Variants in RPTOR observed in about 807,000 individuals in gnomAD.
RPTOR encodes the protein regulatory associated protein of MTOR complex 1.
A neutral mutation model predicts 169.9 loss-of-function variants in RPTOR; 21 were observed. The ratio of observed to expected loss-of-function variants is 0.12; its 90% confidence interval spans 0.09 to 0.18. The LOEUF is 0.18. RPTOR is among the 10% of genes least tolerant of loss of function. The pLI, the probability that RPTOR is intolerant of heterozygous loss-of-function variation, is 1.00. For synonymous variants in RPTOR, 732 were observed against 753.2 expected, an observed-to-expected ratio of 0.97 and a Z score of 0.46; for missense variants, 1,133 against 1,855.9, an observed-to-expected ratio of 0.61 and a Z score of 7.16.
intron 9 of RPTOR, among the ~76,000 whole-genome samples, chr17:80,833,187 C>T (rs1208620695): frequency 6.6e-6 from 1 of 152,246 alleles, no homozygotes; most frequent in Non-Finnish European, 1.5e-5. Flanking sequence ...CAGCCCACCT[C>T]CTGGGCACCC....
At position 80,869,436 on chromosome 17, in the gene RPTOR, G is replaced by A. The variant is rs8073333; in HGVS notation, c.1510-10979G>A. ...CCTCTAAAGTGCTGGGATTACAGGC[G>A]TGAGCCACTACACCTGGCCCCCCTT... On this transcript the variant is annotated intron_variant, in intron 13 of 33. Transcript: ENST00000306801. Among the ~76,000 whole-genome samples the A allele has an allele frequency of 5.8e-3, 883 of 152,178 alleles. 12 individuals are homozygous for A. Among genetic ancestry groups the A allele is most frequent in the African/African-American group, 0.02 (820 of 41,484 alleles).
intron 6 of RPTOR, among the ~76,000 whole-genome samples, chr17:80,785,808 G>A (rs1181695563): frequency 6.6e-6 from 1 of 152,260 alleles, no homozygotes; most frequent in South Asian, 2.1e-4. Flanking sequence ...CTCCTTTGCC[G>A]AGGAACTGCA....
intron 1 of RPTOR, among the ~76,000 whole-genome samples, chr17:80,555,419 G>A (rs984230578): frequency 1.3e-5 from 2 of 152,186 alleles, no homozygotes; most frequent in East Asian, 1.9e-4. Context: ...ATGCACCACC[G>A]CCCACCCAGT....
chr17:80,888,806 A>T (rs2068280781), intron 17 of RPTOR, among the ~76,000 whole-genome samples: 1 of 152,142 alleles, frequency 6.6e-6, no homozygotes, highest in Non-Finnish European at 1.5e-5. Flanking sequence ...TCTTCTCTCA[A>T]GAAAGTTACC....
chr17:80,806,104 G>A lies in RPTOR; in HGVS notation c.890+14595G>A, dbSNP rs559166601. 6.8e-4 allele frequency among the ~76,000 whole-genome samples: 104 copies of A among 152,230 alleles called. 1 individual carries two copies. Among genetic ancestry groups the A allele is most frequent in the African/African-American group, 2.1e-3 (89 of 41,542 alleles). ...TTTAAAAATCATTAAAAAACAAGCC[G>A]CCTCTGGTGGTTTTTAAAAAGCCAG... On this transcript the variant is annotated intron_variant, in intron 7 of 33. Coordinates refer to ENST00000306801, the MANE Select transcript of RPTOR (RefSeq NM_020761.3).
chr17:80,847,853 T>C (rs2067749788), intron 11 of RPTOR, among the ~76,000 whole-genome samples: 1 of 152,228 alleles, frequency 6.6e-6, no homozygotes, highest in Admixed American at 6.5e-5. Context: ...AGCACACCAA[T>C]CTTCACTAGA....
chr17:80,701,141 T>C (rs1441010296), intron 3 of RPTOR, among the ~76,000 whole-genome samples: 1 of 152,104 alleles, frequency 6.6e-6, no homozygotes, highest in Admixed American at 6.5e-5. Flanking sequence ...ACAGAAGATG[T>C]GCACTGGACA....
chr17:80,635,962 G>A (rs926998034), intron 2 of RPTOR, among the ~76,000 whole-genome samples: 6 of 152,122 alleles, frequency 3.9e-5, no homozygotes, highest in African/African-American at 1.4e-4. Flanking sequence ...AGGGATTGGT[G>A]CAATCAAATT....
At chr17:80,723,806 C>T (rs1255601754) in intron 4 of RPTOR, among the ~76,000 whole-genome samples, 1 of 151,378 alleles carries the variant, frequency 6.6e-6, no homozygotes, top group Non-Finnish European at 1.5e-5. Flanking sequence ...AATGACTAAA[C>T]AGGAGGTAAG....
chr17:80,607,628 T>A, intron 1 of RPTOR, among the ~76,000 whole-genome samples: 1 of 150,906 alleles, frequency 6.6e-6, no homozygotes, highest in Admixed American at 6.6e-5. Context: ...TAATTATTTT[T>A]AAGTTCATTT....
At chr17:80,900,528 C>T (rs2068463169) in intron 20 of RPTOR, among the ~76,000 whole-genome samples, 2 of 152,232 alleles carry the variant, frequency 1.3e-5, no homozygotes, top group Non-Finnish European at 2.9e-5. Flanking sequence ...GTTGGTCAGG[C>T]TGGTCTCGAA....
intron 4 of RPTOR, among the ~76,000 whole-genome samples, chr17:80,717,403 G>A (rs1042346216): frequency 2.6e-5 from 4 of 152,272 alleles, no homozygotes; most frequent in South Asian, 2.1e-4. Context: ...TGCATTCTAC[G>A]CTAATGTCAT....
Position 80,584,574 on chromosome 17 carries a change from C to T in RPTOR, c.162+38783C>T, listed in dbSNP as rs114843957. Among the ~76,000 whole-genome samples, 353 of 152,202 alleles carry T rather than the reference C, an allele frequency of 2.3e-3. 5 individuals carry two copies. Among genetic ancestry groups the T allele is most frequent in the African/African-American group, 7.9e-3 (330 of 41,534 alleles). On this transcript the variant is annotated intron_variant, in intron 1 of 33. Transcript: ENST00000306801. ...TTTCCTTTATGTGTTACTCCGTTTA[C>T]CATGTCTCAATAAAATGGCAGAGAA...
rs141600493 is a variant in RPTOR, at chr17:80,672,768, C to T, written c.348+28958C>T. ...TCGCGTCACTGCACTCCAGCCTGGG[C>T]GACAGAGCGAGACTCTGTCTCAAAA... On this transcript the variant is annotated intron_variant, in intron 3 of 33. Transcript: ENST00000306801. Among the ~76,000 whole-genome samples the T allele has an allele frequency of 5.0e-3, 755 of 151,820 alleles. 7 individuals carry two copies. Among genetic ancestry groups the T allele is most frequent in the Non-Finnish European group, 8.5e-3 (577 of 67,932 alleles).
chr17:80,858,184 A>C, intron 13 of RPTOR: 1 of 431,280 alleles, frequency 2.3e-6, no homozygotes, highest in Non-Finnish European at 4.3e-6. Context: ...GGTGCCCTGC[A>C]CTCAGTCCCC....
chr17:80,752,539 G>A (rs1020576066), intron 5 of RPTOR, among the ~76,000 whole-genome samples: 1 of 152,180 alleles, frequency 6.6e-6, no homozygotes, highest in African/African-American at 2.4e-5. Context: ...AATTTTACTG[G>A]CCAAAATGCC....
In RPTOR at chr17:80,708,765, C is replaced by T; in HGVS notation, c.507+766C>T. ...AGCCAGCTATGGGTCTCACTGCGCT[C>T]TGCGTGATGCATGAAAAGCAGTTCT... On this transcript the variant is annotated intron_variant, in intron 4 of 33. Coordinates refer to ENST00000306801, the MANE Select transcript of RPTOR (RefSeq NM_020761.3). This position sits in a 1 kb window ranked among gnomAD's most constrained non-coding sequence, Gnocchi z 4.2. The T allele has an allele frequency of 5.1e-6, 1 of 194,688 alleles. No homozygotes were observed. The highest frequency in any genetic ancestry group is 9.4e-6 in the Non-Finnish European group (1 of 106,908). 12.1% of individuals were successfully genotyped at this position (194,688 alleles called of 1,614,324 possible).
At chr17:80,930,792 G>C (rs2068888314) in intron 24 of RPTOR, among the ~76,000 whole-genome samples, 1 of 152,238 alleles carries the variant, frequency 6.6e-6, no homozygotes, top group Non-Finnish European at 1.5e-5. Context: ...CTGGACTCTG[G>C]TGCTCGCAGT....
chr17:80,907,201 A>G (rs78594288), intron 20 of RPTOR, among the ~76,000 whole-genome samples: 3,639 of 152,316 alleles, frequency 0.024, 130 homozygotes, highest in African/African-American at 0.082. Flanking sequence ...GGTGGACTGG[A>G]ATCACACCTC....
Sources: allele counts gnomAD v4.1 joint callset (sites outside exome capture counted in the v4.1 genomes callset), GRCh38; gene constraint gnomAD v4.1.1; non-coding constraint Gnocchi (gnomAD v3.1); transcripts MANE v1.5; gene names NCBI Gene and HGNC (gene_info 2026-07-23, HGNC 2026-07-21).